Variants in PRKCB observed in about 807,000 individuals in gnomAD.
PRKCB encodes the protein protein kinase C beta type.
In PRKCB, 13 loss-of-function variants were observed where a neutral mutation model predicts 81.5. The ratio of observed to expected loss-of-function variants is 0.16; its 90% confidence interval spans 0.10 to 0.25. The LOEUF (loss-of-function observed/expected upper bound fraction) is 0.25. PRKCB is among the 10% of genes least tolerant of loss of function. The probability of loss-of-function intolerance (pLI) is 1.00; values close to 1 mark genes in which losing one functional copy is unlikely to be tolerated. For missense variants in PRKCB, 509 were observed against 875.7 expected, an observed-to-expected ratio of 0.58 and a Z score of 5.29; for synonymous variants, 335 against 321.4, an observed-to-expected ratio of 1.04 and a Z score of -0.45.
intron 2 of PRKCB, among the ~76,000 whole-genome samples, chr16:23,860,205 G>C (rs1278039167): frequency 6.6e-6 from 1 of 152,194 alleles, no homozygotes; most frequent in Non-Finnish European, 1.5e-5. Context: ...GTTAGTGCTT[G>C]TGTAAGATGC....
intron 7 of PRKCB, among the ~76,000 whole-genome samples, chr16:24,110,620 G>A (rs1333230149): frequency 4.0e-5 from 6 of 149,222 alleles, no homozygotes; most frequent in Non-Finnish European, 8.8e-5. Flanking sequence ...GGACTCAAGC[G>A]ATTCTCCTAC....
intron 9 of PRKCB, among the ~76,000 whole-genome samples, chr16:24,140,642 C>T (rs365941): frequency 0.32 from 49,224 of 151,792 alleles, 8,139 homozygotes; most frequent in South Asian, 0.46. Context: ...TATGGGTTCA[C>T]GTCGGGGCTG....
At chr16:24,174,703 C>T in intron 12 of PRKCB, 123 bp downstream of exon 12, 1 of 919,840 alleles carries the variant, frequency 1.1e-6, no homozygotes, top group Non-Finnish European at 1.7e-6. Flanking sequence ...CCAGAACTAA[C>T]TTGGGCATGT....
At chr16:24,113,504 TC>T (rs111414771) in intron 8 of PRKCB, among the ~76,000 whole-genome samples, 10,438 of 147,898 alleles carry the variant, frequency 0.071, 617 homozygotes, top group African/African-American at 0.16. Context: ...TTTCCTCCCT[TC>T]CTTCTTTCCC....
intron 15 of PRKCB, among the ~76,000 whole-genome samples, chr16:24,190,822 G>A (rs982251322): frequency 5.3e-5 from 8 of 152,050 alleles, no homozygotes; most frequent in Non-Finnish European, 1.5e-5. Flanking sequence ...TGGCCCTCAT[G>A]TGGCATTTCT....
intron 5 of PRKCB, among the ~76,000 whole-genome samples, chr16:24,069,548 G>A (rs954176873): frequency 6.6e-6 from 1 of 152,100 alleles, no homozygotes. Context: ...TTTGATTTCA[G>A]CCTGCAACAT....
At chr16:24,026,044 C>G (rs140058084) in intron 3 of PRKCB, among the ~76,000 whole-genome samples, 1 of 152,158 alleles carries the variant, frequency 6.6e-6, no homozygotes, top group Non-Finnish European at 1.5e-5. Flanking sequence ...CACCTGTAAT[C>G]CTAGTACTTT....
intron 7 of PRKCB, among the ~76,000 whole-genome samples, chr16:24,111,993 C>A (rs935915423): frequency 6.6e-6 from 1 of 152,176 alleles, no homozygotes; most frequent in Non-Finnish European, 1.5e-5. Context: ...AGAGGCTAAC[C>A]AGCCTGTCTA....
At chr16:23,873,681 G>A (rs780312457) in intron 2 of PRKCB, among the ~76,000 whole-genome samples, 3 of 152,202 alleles carry the variant, frequency 2.0e-5, no homozygotes, top group African/African-American at 4.8e-5. Context: ...AGAAGCCAGT[G>A]GATAGGGACA....
Position 24,219,552 on chromosome 16 carries a change from G to A in PRKCB, c.*4736G>A. The A allele has an allele frequency of 1.0e-6, 1 of 990,272 alleles. No homozygotes were observed. Among genetic ancestry groups the A allele is most frequent in the Non-Finnish European group, 1.2e-6 (1 of 833,184 alleles). The allele number at this position is 990,272 out of a possible 1,614,324, so 61.3% of individuals were successfully genotyped here. The stretch of plus-strand genomic sequence containing the variant: ...CTAGCCACCTGGGCTGCTACTGAAT[G>A]GTTTTCTCCAGGACGCTCTACCTAA... On this transcript the variant is annotated 3_prime_UTR_variant, in exon 17 of 17. Transcript: ENST00000643927.
At chr16:24,185,346 C>A in intron 14 of PRKCB, 114 bp from the exon 15 acceptor site, 1 of 1,215,910 alleles carries the variant, frequency 8.2e-7, no homozygotes, top group South Asian at 1.4e-5. Context: ...CATTTGAAAG[C>A]CTGGGTGTGT....
intron 2 of PRKCB, among the ~76,000 whole-genome samples, chr16:23,974,457 G>A (rs1466176157): frequency 6.6e-6 from 1 of 152,182 alleles, no homozygotes; most frequent in Non-Finnish European, 1.5e-5. Context: ...AAGGGCTGGA[G>A]AACAGGAGGA....
intron 2 of PRKCB, among the ~76,000 whole-genome samples, chr16:23,846,887 T>C (rs1962378941): frequency 6.6e-6 from 1 of 152,142 alleles, no homozygotes; most frequent in African/African-American, 2.4e-5. Context: ...AGTGCTAAGC[T>C]GTTAATCATT....
At chr16:24,095,718 A>C (rs1966430430) in intron 7 of PRKCB, among the ~76,000 whole-genome samples, 1 of 151,778 alleles carries the variant, frequency 6.6e-6, no homozygotes, top group Non-Finnish European at 1.5e-5. Context: ...ATATACAACA[A>C]ATTTCTTTCA....
At chr16:23,914,278 C>G (rs1442749828) in intron 2 of PRKCB, among the ~76,000 whole-genome samples, 3 of 152,208 alleles carry the variant, frequency 2.0e-5, no homozygotes, top group Admixed American at 6.5e-5. Context: ...GCTTCCTGAA[C>G]AGCTGAAATA....
At chr16:23,971,646 G>C (rs1315023068) in intron 2 of PRKCB, among the ~76,000 whole-genome samples, 1 of 152,136 alleles carries the variant, frequency 6.6e-6, no homozygotes, top group Non-Finnish European at 1.5e-5. Flanking sequence ...GCTAGCCCCC[G>C]CGAGGTTGCC....
At chr16:24,009,869 G>T (rs1319681088) in intron 3 of PRKCB, among the ~76,000 whole-genome samples, 1 of 151,854 alleles carries the variant, frequency 6.6e-6, no homozygotes, top group African/African-American at 2.4e-5. Flanking sequence ...ACAAAAACTA[G>T]CCTGGCATGA....
At position 24,216,038 on chromosome 16, in the gene PRKCB, T is replaced by C. The variant is rs1968222771; in HGVS notation, c.*1222T>C. On this transcript the variant is annotated 3_prime_UTR_variant, in exon 17 of 17. Transcript: ENST00000643927. ...GAAATACTATTTCAAGGAAAACTGC[T>C]CTTTTTGAGAAACGTGGACCTAAAC... is the stretch of plus-strand genomic sequence containing the variant. 1 of 984,208 alleles carries C rather than the reference T, an allele frequency of 1.0e-6. No individual in the cohort carries two copies. The highest frequency in any genetic ancestry group is 1.8e-5 in the African/African-American group (1 of 56,962). The allele number at this position is 984,208 out of a possible 1,614,324, so 61.0% of individuals were successfully genotyped here.
chr16:24,136,031 C>T (rs1383960101), intron 9 of PRKCB, among the ~76,000 whole-genome samples: 1 of 151,818 alleles, frequency 6.6e-6, no homozygotes, highest in Non-Finnish European at 1.5e-5. Context: ...GCAATTATGT[C>T]ACTTCCCTGC....
Sources: allele counts gnomAD v4.1 joint callset (sites outside exome capture counted in the v4.1 genomes callset), GRCh38; gene constraint gnomAD v4.1.1; transcripts MANE v1.5; gene names NCBI Gene and HGNC (gene_info 2026-07-23, HGNC 2026-07-21).